Variants in ATP11A observed in about 807,000 individuals in gnomAD.
ATP11A encodes the protein phospholipid-transporting ATPase IH.
A neutral mutation model predicts 154.4 loss-of-function variants in ATP11A; 81 were observed. That is an observed-to-expected ratio of 0.52 (90% CI 0.44 to 0.63). ATP11A has a LOEUF of 0.63. ATP11A is among the 30% of genes least tolerant of loss of function. The pLI is 0.00. For missense variants in ATP11A, 1,316 were observed against 1,474.3 expected (o/e 0.89, Z 1.76); for synonymous variants, 623 against 585.9 (o/e 1.06, Z -0.91).
At chr13:112,815,882 G>A (rs909433791) in intron 5 of ATP11A, among the ~76,000 whole-genome samples, 4 of 152,130 alleles carry the variant, frequency 2.6e-5, no homozygotes, top group South Asian at 2.1e-4. Flanking sequence ...TTTTTGCTGC[G>A]GAAGTTAGAA....
In ATP11A at chr13:112,860,968, A is replaced by G. The variant is rs555867923; in HGVS notation, c.2855+554A>G. Among the ~76,000 whole-genome samples, 3 of 152,320 alleles carry G rather than the reference A, an allele frequency of 2.0e-5. No homozygotes were observed. The East Asian group carries it at 5.8e-4, about 29-fold the overall frequency. On this transcript the variant is annotated intron_variant, in intron 24 of 29. Coordinates refer to ENST00000375645, the MANE Select transcript of ATP11A (RefSeq NM_015205.3). ...TCCATTTTCATCCTGCTGTGAAGAC[A>G]TACCTGAGACTGGGTAATTTATGAA...
At chr13:112,796,467 G>A (rs959713026) in intron 2 of ATP11A, among the ~76,000 whole-genome samples, 2 of 152,192 alleles carry the variant, frequency 1.3e-5, no homozygotes, top group African/African-American at 2.4e-5. Context: ...TCCGAGCTAC[G>A]ACTGGCTTCA....
intron 28 of ATP11A, among the ~76,000 whole-genome samples, chr13:112,876,752 C>T (rs1333609735): frequency 1.3e-5 from 2 of 152,234 alleles, no homozygotes; most frequent in Non-Finnish European, 2.9e-5. Flanking sequence ...GGGTGTGAGG[C>T]TCCCCAGGTG....
intron 1 of ATP11A, among the ~76,000 whole-genome samples, chr13:112,730,280 CT>C (rs1169117894): frequency 1.2e-4 from 19 of 152,306 alleles, no homozygotes; most frequent in Admixed American, 9.8e-4. Context: ...ATGCTGTTAT[CT>C]TTATTTGTGT....
At chr13:112,849,191 C>T (rs2079692250) in intron 17 of ATP11A, among the ~76,000 whole-genome samples, 1 of 152,184 alleles carries the variant, frequency 6.6e-6, no homozygotes, top group Non-Finnish European at 1.5e-5. Context: ...ATAAACCCCA[C>T]TTGGTCGTGG....
chr13:112,836,429 A>G (rs973499874), intron 16 of ATP11A, among the ~76,000 whole-genome samples, 178 bp downstream of exon 16: 2 of 152,152 alleles, frequency 1.3e-5, no homozygotes, highest in African/African-American at 4.8e-5. Flanking sequence ...AAAGTGCAAC[A>G]TTTCTGGAAT....
intron 20 of ATP11A, among the ~76,000 whole-genome samples, chr13:112,857,610 TTTTAC>T (rs1257683013): frequency 6.6e-6 from 1 of 152,256 alleles, no homozygotes; most frequent in Non-Finnish European, 1.5e-5. Context: ...ACCTCATTTC[TTTTAC>T]TTTATTTTGT....
intron 14 of ATP11A, among the ~76,000 whole-genome samples, chr13:112,833,774 G>C (rs1432155876): frequency 6.6e-6 from 1 of 152,206 alleles, no homozygotes; most frequent in Admixed American, 6.5e-5. Context: ...CGTAGGTGAG[G>C]CTTCTTGGAG....
chr13:112,769,117 C>T (rs1166883864), intron 1 of ATP11A, among the ~76,000 whole-genome samples: 1 of 152,150 alleles, frequency 6.6e-6, no homozygotes, highest in East Asian at 1.9e-4. Flanking sequence ...GACAGGGCCC[C>T]ATGGGCTGCC....
chr13:112,834,679 C>T lies in ATP11A; in HGVS notation c.1631+19C>T. On this transcript the variant is annotated intron_variant, in intron 15 of 29. Coordinates refer to ENST00000375645, the MANE Select transcript of ATP11A (RefSeq NM_015205.3). ...TCGAAAGGTATGTGCAGACCTCACC[C>T]TCAGATGTGAAAGGACTAACGAATA... is the stretch of plus-strand genomic sequence containing the variant. 1 of 1,586,026 alleles carries T rather than the reference C, an allele frequency of 6.3e-7. No individual in the cohort carries two copies. The highest frequency in any genetic ancestry group is 8.7e-7 in the Non-Finnish European group (1 of 1,155,708).
intron 1 of ATP11A, among the ~76,000 whole-genome samples, chr13:112,773,220 G>T (rs764476087): frequency 1.3e-5 from 2 of 152,000 alleles, no homozygotes; most frequent in Non-Finnish European, 2.9e-5. Flanking sequence ...GCCCTGCCCT[G>T]CCCTGCCCCA....
In ATP11A at chr13:112,754,039, C is replaced by A. The variant is rs748407913; in HGVS notation, c.40-31096C>A. Among the ~76,000 whole-genome samples the A allele has an allele frequency of 2.0e-5, 3 of 152,186 alleles. No homozygotes were observed. Among genetic ancestry groups the A allele is most frequent in the Admixed American group, 2.0e-4 (3 of 15,286 alleles). ...GACCTTGACCAGGCAGCATCCAGGG[C>A]GTCGCTGTCTCACCGTGGTCCCCAG... On this transcript the variant is annotated intron_variant, in intron 1 of 29. Coordinates refer to ENST00000375645, the MANE Select transcript of ATP11A (RefSeq NM_015205.3). This position sits in a 1 kb window ranked among gnomAD's most constrained non-coding sequence, Gnocchi z 5.3.
chr13:112,791,407 G>A (rs2077853044), intron 2 of ATP11A, among the ~76,000 whole-genome samples: 1 of 152,242 alleles, frequency 6.6e-6, no homozygotes, highest in Admixed American at 6.5e-5. Flanking sequence ...AGCCCCACAT[G>A]CCTGGTTCTC....
intron 1 of ATP11A, among the ~76,000 whole-genome samples, chr13:112,726,929 C>CT (rs1323199617): frequency 1.3e-5 from 2 of 152,208 alleles, no homozygotes; most frequent in African/African-American, 4.8e-5. Context: ...TCACAGAAAA[C>CT]TGGGGACATT....
At chr13:112,781,067 G>A (rs2077486794) in intron 1 of ATP11A, among the ~76,000 whole-genome samples, 1 of 152,092 alleles carries the variant, frequency 6.6e-6, no homozygotes, top group Admixed American at 6.6e-5. Flanking sequence ...TTGAGACGGA[G>A]CCTCGGTCTG....
At chr13:112,803,907 C>G (rs1455879072) in intron 2 of ATP11A, among the ~76,000 whole-genome samples, 11 of 79,240 alleles carry the variant, frequency 1.4e-4, no homozygotes, top group Non-Finnish European at 2.1e-4. Context: ...TTCCCTCCTT[C>G]ACCTCCCTCC....
At chr13:112,837,258 C>G (rs930851348) in intron 16 of ATP11A, among the ~76,000 whole-genome samples, 21 of 152,258 alleles carry the variant, frequency 1.4e-4, no homozygotes, top group Admixed American at 3.3e-4. Context: ...GCACTGCCCA[C>G]AGCCCCCACA....
At chr13:112,744,391 G>A (rs1253266814) in intron 1 of ATP11A, among the ~76,000 whole-genome samples, 2 of 152,228 alleles carry the variant, frequency 1.3e-5, no homozygotes, top group African/African-American at 2.4e-5. Flanking sequence ...GTGTGATGGA[G>A]TGCAGTGTTC....
At chr13:112,784,819 G>A (rs971501212) in intron 1 of ATP11A, among the ~76,000 whole-genome samples, 15 of 152,184 alleles carry the variant, frequency 9.9e-5, no homozygotes, top group Non-Finnish European at 2.1e-4. Flanking sequence ...CGCCGCGCCC[G>A]GCCGCGTTCT....
Sources: allele counts gnomAD v4.1 joint callset (sites outside exome capture counted in the v4.1 genomes callset), GRCh38; gene constraint gnomAD v4.1.1; non-coding constraint Gnocchi (gnomAD v3.1); transcripts MANE v1.5; gene names NCBI Gene and HGNC (gene_info 2026-07-23, HGNC 2026-07-21).